EPM2A: variants seen among roughly 807,000 people sequenced by gnomAD.
EPM2A encodes the protein EPM2A glucan phosphatase, laforin.
EPM2A carries 21 observed loss-of-function variants against 26.5 expected under a neutral mutation model. The observed-to-expected ratio is 0.79, with a 90% CI of 0.56 to 1.14. The LOEUF is 1.14. EPM2A is among the 50% of genes most tolerant of loss of function. EPM2A has a pLI of 0.00. For synonymous variants in EPM2A, 217 were observed against 177.6 expected, an observed-to-expected ratio of 1.22 and a Z score of -1.76; for missense variants, 458 against 440.8, an observed-to-expected ratio of 1.04 and a Z score of -0.35.
At chr6:145,645,767 T>C (rs2128572883) in intron 2 of EPM2A, among the ~76,000 whole-genome samples, 2 of 152,040 alleles carry the variant, frequency 1.3e-5, no homozygotes, top group East Asian at 3.9e-4. Context: ...CTAATTTTTG[T>C]ATATTTTGCA....
chr6:145,541,767 T>A (rs985402507), intron 2 of EPM2A, among the ~76,000 whole-genome samples: 2 of 152,096 alleles, frequency 1.3e-5, no homozygotes, highest in Admixed American at 6.5e-5. Context: ...AACATGAGTA[T>A]CTTTAATTTT....
intron 4 of EPM2A, among the ~76,000 whole-genome samples, chr6:145,478,179 A>T (rs928695452): frequency 6.6e-6 from 1 of 151,944 alleles, no homozygotes; most frequent in South Asian, 2.1e-4. Context: ...TCCCATTTAC[A>T]ATAGCCACAC....
At chr6:145,430,246 A>G in intron 4 of EPM2A, among the ~76,000 whole-genome samples, 1 of 152,034 alleles carries the variant, frequency 6.6e-6, no homozygotes, top group East Asian at 1.9e-4. Flanking sequence ...GAAATAAATA[A>G]TCCCCAAAAT....
chr6:145,475,155 A>C (rs1212324330), intron 4 of EPM2A, among the ~76,000 whole-genome samples: 1 of 152,222 alleles, frequency 6.6e-6, no homozygotes, highest in Non-Finnish European at 1.5e-5. Flanking sequence ...TTCTACTATA[A>C]AGACACATGC....
intron 4 of EPM2A, among the ~76,000 whole-genome samples, chr6:145,429,042 A>G (rs923156303): frequency 1.3e-5 from 2 of 152,252 alleles, no homozygotes; most frequent in Admixed American, 1.3e-4. Context: ...GAGTCAGTCA[A>G]TGAAGTATTT....
At chr6:145,530,804 G>A (rs56713396) in intron 2 of EPM2A, among the ~76,000 whole-genome samples, 1,986 of 152,220 alleles carry the variant, frequency 0.013, 48 homozygotes, top group African/African-American at 0.046. Context: ...ATAGAGACAA[G>A]GGAGTAATTA....
At chr6:145,435,922 G>A (rs1445116797) in intron 4 of EPM2A, among the ~76,000 whole-genome samples, 2 of 152,038 alleles carry the variant, frequency 1.3e-5, no homozygotes, top group Non-Finnish European at 2.9e-5. Flanking sequence ...GTCTTTTTAC[G>A]ACTGATTACC....
chr6:145,408,620 C>A (rs1178592755), intron 4 of EPM2A, among the ~76,000 whole-genome samples: 2 of 152,254 alleles, frequency 1.3e-5, no homozygotes, highest in Admixed American at 6.5e-5. Context: ...AGTCTGAGAA[C>A]TTGATTTATA....
intron 2 of EPM2A, among the ~76,000 whole-genome samples, chr6:145,658,293 T>C (rs1402275098): frequency 6.6e-6 from 1 of 152,226 alleles, no homozygotes; most frequent in Non-Finnish European, 1.5e-5. Context: ...TGTTCTACAC[T>C]CTATAGCATT....
chr6:145,517,547 C>T (rs540155170), intron 2 of EPM2A, among the ~76,000 whole-genome samples: 1 of 152,282 alleles, frequency 6.6e-6, no homozygotes, highest in South Asian at 2.1e-4. Flanking sequence ...GACCCATTAT[C>T]ACAGGCAGAA....
At chr6:145,731,730 C>T (rs1776496890) in intron 1 of EPM2A, among the ~76,000 whole-genome samples, 1 of 151,804 alleles carries the variant, frequency 6.6e-6, no homozygotes, top group African/African-American at 2.4e-5. Context: ...ACATTCTGCA[C>T]ATATATGTCA....
At position 145,718,079 on chromosome 6, in the gene EPM2A, G is replaced by A. The variant is rs1188729338; in HGVS notation, c.301+17119C>T. On this transcript the variant is annotated intron_variant, in intron 1 of 3. Transcript: ENST00000367519. ...TACAGATTCAATGCCATCCCCATCAGGCTACCAATGACTTTCTTCACAGAA... is the reference window on the plus strand; with the variant it reads ...TACAGATTCAATGCCATCCCCATCAAGCTACCAATGACTTTCTTCACAGAA... Among the ~76,000 whole-genome samples the A allele has an allele frequency of 8.6e-5, 13 of 151,658 alleles. No individual in the cohort carries two copies. In the South Asian group the frequency reaches 1.5e-3, roughly 17 times the overall value.
chr6:145,422,076 T>TAGAGAG (rs61310193), intron 4 of EPM2A, among the ~76,000 whole-genome samples: 38 of 138,660 alleles, frequency 2.7e-4, no homozygotes, highest in African/African-American at 9.3e-4. Context: ...TATATATATA[T>TAGAGAG]AGAGAGAGAG....
intron 2 of EPM2A, among the ~76,000 whole-genome samples, chr6:145,611,606 G>A (rs1195059181): frequency 6.6e-6 from 1 of 151,934 alleles, no homozygotes; most frequent in African/African-American, 2.4e-5. Context: ...AGGAAATATT[G>A]TCAATGTAAT....
chr6:145,563,420 G>C (rs1234548296), intron 2 of EPM2A, among the ~76,000 whole-genome samples: 1 of 151,960 alleles, frequency 6.6e-6, no homozygotes, highest in East Asian at 1.9e-4. Context: ...TTGAGGAACA[G>C]AAAGAGGCCA....
chr6:145,669,238 T>C (rs1028999828), intron 2 of EPM2A, among the ~76,000 whole-genome samples: 6 of 152,194 alleles, frequency 3.9e-5, no homozygotes. Context: ...CATAAAAAAG[T>C]CTGTGAACAG....
At chr6:145,410,120 A>G (rs779071634) in intron 4 of EPM2A, among the ~76,000 whole-genome samples, 3 of 152,194 alleles carry the variant, frequency 2.0e-5, no homozygotes, top group Admixed American at 1.3e-4. Flanking sequence ...ATAAAACAAT[A>G]ACACAATCGG....
chr6:145,495,568 A>G (rs2114745439), intron 4 of EPM2A, among the ~76,000 whole-genome samples: 1 of 149,214 alleles, frequency 6.7e-6, no homozygotes, highest in Admixed American at 6.8e-5. Context: ...GTTTATGCGG[A>G]TGCTTTATTT....
chr6:145,436,449 AT>A (rs1778989419), intron 4 of EPM2A, among the ~76,000 whole-genome samples: 1 of 152,072 alleles, frequency 6.6e-6, no homozygotes, highest in East Asian at 1.9e-4. Flanking sequence ...TACCATTTAC[AT>A]TTCCACCAGC....
Sources: gnomAD v4.1 joint callset for allele counts (sites outside exome capture counted in the v4.1 genomes callset) on GRCh38, gnomAD v4.1.1 for gene constraint, MANE v1.5 for transcripts, NCBI Gene and HGNC (gene_info 2026-07-23, HGNC 2026-07-21) for gene names.